Variants in CEP112 observed in about 807,000 individuals in gnomAD.
CEP112 encodes centrosomal protein 112.
CEP112 carries 127 observed loss-of-function variants against 153.0 expected under a neutral mutation model. That is an observed-to-expected ratio of 0.83 (90% CI 0.72 to 0.96). The LOEUF (loss-of-function observed/expected upper bound fraction) is 0.96. Among genes scored for constraint, CEP112 ranks in the 40% least tolerant of loss-of-function variants. The probability of loss-of-function intolerance (pLI) is 0.00; values close to 1 mark genes in which losing one functional copy is unlikely to be tolerated. For synonymous variants in CEP112, 358 were observed against 374.4 expected (o/e 0.96, Z 0.51); for missense variants, 1,089 against 1,101.2 (o/e 0.99, Z 0.16).
At chr17:65,872,899 T>C (rs554615762) in intron 20 of CEP112, 2 of 152,312 alleles carry the variant, frequency 1.3e-5, no homozygotes, top group South Asian at 4.1e-4. Flanking sequence ...CCATATTCAA[T>C]GGGTTTCCAA....
At chr17:65,744,018 A>G (rs1598446589) in intron 22 of CEP112, among the ~76,000 whole-genome samples, 1 of 151,990 alleles carries the variant, frequency 6.6e-6, no homozygotes, top group Non-Finnish European at 1.5e-5. Context: ...CCACCTCGGC[A>G]TCCCAAAGTG....
intron 23 of CEP112, among the ~76,000 whole-genome samples, chr17:65,707,701 G>A (rs1390300359): frequency 4.6e-5 from 7 of 152,010 alleles, no homozygotes; most frequent in East Asian, 1.9e-4. Context: ...TGTCAGGAAC[G>A]TATAAGCATT....
intron 6 of CEP112, 141 bp from the exon 7 acceptor site, chr17:66,096,773 G>A: frequency 3.2e-6 from 2 of 617,484 alleles, no homozygotes; most frequent in Non-Finnish European, 5.7e-6. Flanking sequence ...AATGGGTATT[G>A]TATGATATAT....
intron 4 of CEP112, among the ~76,000 whole-genome samples, chr17:66,170,008 G>C (rs1196746121): frequency 6.6e-6 from 1 of 152,164 alleles, no homozygotes; most frequent in Non-Finnish European, 1.5e-5. Context: ...TTGTGTGGAT[G>C]TCAGCAGCAT....
chr17:65,933,783 CAT>C (rs1332285760), intron 18 of CEP112, among the ~76,000 whole-genome samples: 7 of 152,160 alleles, frequency 4.6e-5, no homozygotes, highest in Non-Finnish European at 8.8e-5. Flanking sequence ...ATAAGTAATA[CAT>C]AGTCATACTC....
At chr17:66,128,340 T>C (rs1170538130) in intron 6 of CEP112, among the ~76,000 whole-genome samples, 1 of 133,320 alleles carries the variant, frequency 7.5e-6, no homozygotes, top group African/African-American at 2.8e-5. Context: ...AGAAAAAGTA[T>C]AAGAAAAAAA....
At chr17:65,706,033 C>T (rs1189282050) in intron 23 of CEP112, among the ~76,000 whole-genome samples, 1 of 152,100 alleles carries the variant, frequency 6.6e-6, no homozygotes, top group East Asian at 1.9e-4. Context: ...GTAAATGTGA[C>T]CAAATCTTGA....
rs974977288 is a variant in CEP112 at position 65,924,643 on chromosome 17, G to A, written c.1980+2939C>T. Among the ~76,000 whole-genome samples, 15 of 152,246 alleles carry A rather than the reference G, an allele frequency of 9.9e-5. No homozygotes were observed. The East Asian group carries it at 1.9e-3, about 20-fold the overall frequency. ...GTGGCAACTCTTTTAAAACATGTCTGTGCTCCTTTCTGTGGTGATTACTTC... is the reference window on the plus strand; with the variant it reads ...GTGGCAACTCTTTTAAAACATGTCTATGCTCCTTTCTGTGGTGATTACTTC... On this transcript the variant is annotated intron_variant, in intron 19 of 26. Transcript: ENST00000535342.
At chr17:65,955,563 C>A (rs748252590) in intron 18 of CEP112, among the ~76,000 whole-genome samples, 1 of 152,058 alleles carries the variant, frequency 6.6e-6, no homozygotes, top group African/African-American at 2.4e-5. Context: ...ATGGCAGAAT[C>A]GATAAGAATT....
At chr17:66,088,878 A>G (rs1416461362) in intron 8 of CEP112, among the ~76,000 whole-genome samples, 1 of 152,154 alleles carries the variant, frequency 6.6e-6, no homozygotes, top group Non-Finnish European at 1.5e-5. Context: ...AACCAGGTCC[A>G]TCCCAGAACC....
intron 24 of CEP112, among the ~76,000 whole-genome samples, chr17:65,676,620 G>A (rs1351780663): frequency 6.6e-6 from 1 of 152,176 alleles, no homozygotes; most frequent in South Asian, 2.1e-4. Flanking sequence ...GTTCAGCAAC[G>A]TATATCCAGG....
Position 65,793,440 on chromosome 17 carries a change from CAT to C in CEP112, c.2395-42718_2395-42717del, listed in dbSNP as rs375457620. ...ATCTGTGCAGCAAACTACCATGGCACATGTTTACCTATGTAACAAACCTACAC... is the reference window on the plus strand; with the variant it reads ...ATCTGTGCAGCAAACTACCATGGCACGTTTACCTATGTAACAAACCTACAC... On this transcript the variant is annotated intron_variant, in intron 21 of 26. Coordinates refer to ENST00000535342, the MANE Select transcript of CEP112 (RefSeq NM_001199165.4). Among the ~76,000 whole-genome samples the C allele has an allele frequency of 3.2e-3, 492 of 152,222 alleles. 3 individuals carry two copies. Among genetic ancestry groups the C allele is most frequent in the African/African-American group, 0.011 (462 of 41,526 alleles).
At chr17:65,831,539 A>C (rs1282096960) in intron 21 of CEP112, among the ~76,000 whole-genome samples, 2 of 151,364 alleles carry the variant, frequency 1.3e-5, no homozygotes, top group Middle Eastern at 3.4e-3. Flanking sequence ...CCTGGGCGAC[A>C]GAGTGAGACT....
At chr17:65,770,056 A>C (rs1356167951) in intron 21 of CEP112, among the ~76,000 whole-genome samples, 1 of 151,984 alleles carries the variant, frequency 6.6e-6, no homozygotes, top group African/African-American at 2.4e-5. Context: ...AAAGAGAAAG[A>C]GGTTTGGAAA....
At chr17:65,883,778 G>T (rs2059173642) in intron 20 of CEP112, among the ~76,000 whole-genome samples, 1 of 152,178 alleles carries the variant, frequency 6.6e-6, no homozygotes, top group Non-Finnish European at 1.5e-5. Flanking sequence ...AGAAAAATAA[G>T]AGATAAGGCA....
chr17:66,153,259 A>G (rs2071283553), intron 4 of CEP112, among the ~76,000 whole-genome samples: 1 of 152,222 alleles, frequency 6.6e-6, no homozygotes, highest in South Asian at 2.1e-4. Context: ...CAACATTCAT[A>G]ATAGCCAAAT....
At chr17:66,190,543 ACG>A (rs1208573007) in intron 1 of CEP112, among the ~76,000 whole-genome samples, 5 of 152,164 alleles carry the variant, frequency 3.3e-5, no homozygotes, top group Admixed American at 3.3e-4. Flanking sequence ...CAGGTGACGG[ACG>A]TTGCAGTGAG....
intron 24 of CEP112, among the ~76,000 whole-genome samples, chr17:65,687,957 C>T (rs892023530): frequency 2.0e-5 from 3 of 152,162 alleles, no homozygotes; most frequent in Non-Finnish European, 4.4e-5. Flanking sequence ...ATATTAGCAA[C>T]GCTACACTCA....
At chr17:65,782,916 C>T (rs368388474) in intron 21 of CEP112, among the ~76,000 whole-genome samples, 12 of 151,228 alleles carry the variant, frequency 7.9e-5, no homozygotes, top group South Asian at 2.1e-4. Flanking sequence ...TTCAGCATCA[C>T]GCAATATACC....
Sources: allele counts gnomAD v4.1 joint callset (sites outside exome capture counted in the v4.1 genomes callset), GRCh38; gene constraint gnomAD v4.1.1; transcripts MANE v1.5; gene names NCBI Gene and HGNC (gene_info 2026-07-23, HGNC 2026-07-21).